ARID5B: variants seen among roughly 807,000 people sequenced by gnomAD.
The protein encoded by ARID5B is AT-rich interaction domain 5B, also known as AT-rich interactive domain-containing protein 5B.
In ARID5B, 13 loss-of-function variants were observed where a neutral mutation model predicts 97.2. The observed-to-expected ratio is 0.13, with a 90% CI of 0.09 to 0.21. The LOEUF is 0.21. Among genes scored for constraint, ARID5B ranks in the 10% least tolerant of loss-of-function variants. The probability of loss-of-function intolerance (pLI) is 1.00; values close to 1 mark genes in which losing one functional copy is unlikely to be tolerated. For missense variants in ARID5B, 1,210 were observed against 1,465.3 expected, an observed-to-expected ratio of 0.83 and a Z score of 2.84; for synonymous variants, 556 against 570.3, an observed-to-expected ratio of 0.97 and a Z score of 0.36.
chr10:62,014,560 G>GA (rs1839259773), intron 4 of ARID5B, among the ~76,000 whole-genome samples: 1 of 152,142 alleles, frequency 6.6e-6, no homozygotes, highest in South Asian at 2.1e-4. Flanking sequence ...AAGAAATTAA[G>GA]AAAAAGCACA....
intron 2 of ARID5B, among the ~76,000 whole-genome samples, chr10:61,925,704 G>T (rs146173211): frequency 1.3e-3 from 194 of 152,308 alleles, no homozygotes; most frequent in Non-Finnish European, 2.4e-3. Flanking sequence ...ATGAGAGGGT[G>T]TTTCTAGGAC....
intron 3 of ARID5B, among the ~76,000 whole-genome samples, chr10:61,988,116 T>C (rs1471940104): frequency 3.3e-5 from 5 of 152,056 alleles, no homozygotes; most frequent in Non-Finnish European, 7.4e-5. Context: ...TTCAATGATG[T>C]TCTTCCATGG....
chr10:61,943,136 A>T (rs1269942613), intron 3 of ARID5B, among the ~76,000 whole-genome samples: 1 of 152,200 alleles, frequency 6.6e-6, no homozygotes, highest in Non-Finnish European at 1.5e-5. Flanking sequence ...CCTTAATGTA[A>T]TGAGTTTCCA....
In ARID5B at chr10:62,093,896, T is replaced by G. The variant is rs111481833; in HGVS notation, c.*866T>G. 176 of 233,600 alleles carry G rather than the reference T, an allele frequency of 7.5e-4. No homozygotes were observed. The highest frequency in any genetic ancestry group is 3.7e-3 in the African/African-American group (166 of 45,418). The allele number at this position is 233,600 out of a possible 1,614,324, so 14.5% of individuals were successfully genotyped here. A position where few individuals can be genotyped will look rare whatever the true frequency, so the allele number is the denominator to read the frequency against. ...ACACAATAGTGCAAAGAACGTTCCT[T>G]TGTAGATCCGCAACTTAAGGATTTT... On this transcript the variant is annotated 3_prime_UTR_variant, in exon 10 of 10. Coordinates refer to ENST00000279873, the MANE Select transcript of ARID5B (RefSeq NM_032199.3).
At chr10:61,931,581 G>A (rs1844210758) in intron 2 of ARID5B, among the ~76,000 whole-genome samples, 1 of 152,146 alleles carries the variant, frequency 6.6e-6, no homozygotes. Context: ...TACAAAATAG[G>A]AGAAAGTGGT....
Position 62,093,657 on chromosome 10 carries a change from T to A in ARID5B, c.*627T>A. 1 of 221,416 alleles carries A rather than the reference T, an allele frequency of 4.5e-6. No individual in the cohort carries two copies. The highest frequency in any genetic ancestry group is 1.9e-4 in the South Asian group (1 of 5,290). The allele number at this position is 221,416 out of a possible 1,614,324, so 13.7% of individuals were successfully genotyped here. A position where few individuals can be genotyped will look rare whatever the true frequency, so the allele number is the denominator to read the frequency against. On this transcript the variant is annotated 3_prime_UTR_variant, in exon 10 of 10. Transcript: ENST00000279873. ...TCTCCCAGTTCCTTCTCGTCTTTTT[T>A]TTTTTTTTTTTTTTTTTTTTTATTA...
At chr10:61,948,577 A>G (rs993564074) in intron 3 of ARID5B, among the ~76,000 whole-genome samples, 1 of 152,086 alleles carries the variant, frequency 6.6e-6, no homozygotes, top group Non-Finnish European at 1.5e-5. Context: ...CGTGTTGGCC[A>G]GGATGGCCTC....
chr10:62,016,333 A>G (rs1163287885), intron 4 of ARID5B, among the ~76,000 whole-genome samples: 4 of 152,212 alleles, frequency 2.6e-5, no homozygotes, highest in Non-Finnish European at 4.4e-5. Context: ...ATATAGACCA[A>G]TGAGGTTCAT....
intron 9 of ARID5B, among the ~76,000 whole-genome samples, chr10:62,087,713 C>T (rs1840310615): frequency 1.3e-5 from 2 of 152,110 alleles, no homozygotes; most frequent in South Asian, 2.1e-4. Flanking sequence ...GCACCAACCT[C>T]CCATCTAGAC....
In ARID5B at chr10:62,092,053, G is replaced by C; in HGVS notation, c.2590G>C (p.Glu864Gln). The C allele has an allele frequency of 6.2e-7, 1 of 1,614,016 alleles. No homozygotes were observed. The highest frequency in any genetic ancestry group is 8.5e-7 in the Non-Finnish European group (1 of 1,179,992). The change falls in exon 10 of 10, where the codon GAA becomes CAA. Residue 864 changes from glutamate (E) to glutamine (Q), a missense_variant. Around this residue, in one of 8 missense-constraint regions of ARID5B, gnomAD observed 800 missense variants for 839.1 expected, o/e 0.95. Coordinates refer to ENST00000279873, the MANE Select transcript of ARID5B (RefSeq NM_032199.3). ...ATACCCTTCCAGGGACATGTACAGG[G>C]AATCGGAAAACAGTTCTTTTCCTTC... ...SKYPSRDMYR[E>Q]SENSSFPSHR...
At chr10:61,996,405 C>A (rs141855541) in intron 3 of ARID5B, among the ~76,000 whole-genome samples, 1 of 151,922 alleles carries the variant, frequency 6.6e-6, no homozygotes, top group African/African-American at 2.4e-5. Context: ...AAAAGTCCAC[C>A]AAACTGGGAG....
chr10:61,966,875 G>C (rs925192475), intron 3 of ARID5B, among the ~76,000 whole-genome samples: 14 of 152,014 alleles, frequency 9.2e-5, no homozygotes, highest in African/African-American at 3.1e-4. Context: ...TATATGTTGT[G>C]TAACCAATGT....
In ARID5B at chr10:61,987,292, A is replaced by G. The variant is rs905769370; in HGVS notation, c.503-12799A>G. On this transcript the variant is annotated intron_variant, in intron 3 of 9. Transcript: ENST00000279873. Reference sequence around the variant, plus strand: ...CCGGGAGTAGGATGAGAACAGAGGGACAGTGAATAACCAGAAAAAGAACCA... The same window carrying G: ...CCGGGAGTAGGATGAGAACAGAGGGGCAGTGAATAACCAGAAAAAGAACCA... Among the ~76,000 whole-genome samples, 10 of 152,306 alleles carry G rather than the reference A, an allele frequency of 6.6e-5. No individual in the cohort carries two copies. In the East Asian group the frequency reaches 1.9e-3, roughly 29 times the overall value.
intron 3 of ARID5B, among the ~76,000 whole-genome samples, chr10:61,978,740 T>TCAGC (rs1838735570): frequency 6.6e-6 from 1 of 152,232 alleles, no homozygotes; most frequent in Non-Finnish European, 1.5e-5. Flanking sequence ...AAGTTGCTTA[T>TCAGC]CAGCTTAAGG....
At chr10:61,970,634 A>T (rs1421201811) in intron 3 of ARID5B, among the ~76,000 whole-genome samples, 1 of 152,226 alleles carries the variant, frequency 6.6e-6, no homozygotes, top group East Asian at 1.9e-4. Flanking sequence ...GGTTGATAGA[A>T]GCAATGCTAT....
intron 2 of ARID5B, among the ~76,000 whole-genome samples, chr10:61,904,773 A>G (rs756643227): frequency 1.3e-4 from 20 of 152,256 alleles, no homozygotes; most frequent in Non-Finnish European, 2.8e-4. Context: ...ACAATTTTCA[A>G]TTGAGATAAT....
chr10:62,016,187 T>A (rs1238765000), intron 4 of ARID5B, among the ~76,000 whole-genome samples: 1 of 152,234 alleles, frequency 6.6e-6, no homozygotes, highest in Non-Finnish European at 1.5e-5. Flanking sequence ...CAGAGTTTTA[T>A]TGGCACACTG....
chr10:61,923,407 T>G (rs952066151), intron 2 of ARID5B, among the ~76,000 whole-genome samples: 1 of 152,222 alleles, frequency 6.6e-6, no homozygotes, highest in African/African-American at 2.4e-5. Context: ...ATCTGGCTCT[T>G]CTACCCAGTC....
chr10:61,982,343 G>T (rs1838788190), intron 3 of ARID5B, among the ~76,000 whole-genome samples: 2 of 152,040 alleles, frequency 1.3e-5, no homozygotes, highest in Non-Finnish European at 2.9e-5. Context: ...TTTTCTTCTT[G>T]GCCTCCTTCT....
Sources: gnomAD v4.1 joint callset for allele counts (sites outside exome capture counted in the v4.1 genomes callset) on GRCh38, gnomAD v4.1.1 for gene constraint, gnomAD v4.1.1 regional missense constraint, MANE v1.5 for transcripts, NCBI Gene and HGNC (gene_info 2026-07-23, HGNC 2026-07-21) for gene names.